Variants in ZBTB20 observed in about 807,000 individuals in gnomAD.
ZBTB20 encodes the protein zinc finger and BTB domain-containing protein 20.
ZBTB20 carries 9 observed loss-of-function variants against 56.9 expected under a neutral mutation model. That is an observed-to-expected ratio of 0.16 (90% CI 0.10 to 0.28). The LOEUF is 0.28. Ranked by LOEUF, ZBTB20 falls within the 10% of genes least tolerant of loss-of-function variation. The pLI, the probability that ZBTB20 is intolerant of heterozygous loss-of-function variation, is 1.00. For missense variants in ZBTB20, 655 were observed against 1,003.0 expected (o/e 0.65, Z 4.69); for synonymous variants, 417 against 420.7 (o/e 0.99, Z 0.11).
chr3:114,748,333 TC>T (rs1560202151), intron 5 of ZBTB20, among the ~76,000 whole-genome samples: 1 of 94,240 alleles, frequency 1.1e-5, no homozygotes, highest in African/African-American at 4.2e-5. Flanking sequence ...TTTCTTTCTT[TC>T]TTCTTTCTTT....
At chr3:114,990,079 T>C (rs555329285) in intron 2 of ZBTB20, among the ~76,000 whole-genome samples, 11 of 152,178 alleles carry the variant, frequency 7.2e-5, no homozygotes, top group Admixed American at 1.3e-4. Context: ...CTTTTCCTAA[T>C]TGAATACCCT....
chr3:114,622,449 A>C (rs960129922), intron 6 of ZBTB20, among the ~76,000 whole-genome samples: 1 of 152,210 alleles, frequency 6.6e-6, no homozygotes, highest in African/African-American at 2.4e-5. Context: ...ACTAGCCCTA[A>C]TAAAACTCTG....
chr3:114,868,260 T>G (rs1355172134), intron 4 of ZBTB20, among the ~76,000 whole-genome samples: 1 of 152,306 alleles, frequency 6.6e-6, no homozygotes, highest in South Asian at 2.1e-4. Flanking sequence ...GCTGACAAAC[T>G]TCTCAGCATC....
At chr3:114,861,431 T>G (rs1421016656) in intron 4 of ZBTB20, among the ~76,000 whole-genome samples, 2 of 152,104 alleles carry the variant, frequency 1.3e-5, no homozygotes, top group African/African-American at 4.8e-5. Flanking sequence ...ATTTAAAAAT[T>G]TATTCTCCTT....
chr3:114,898,167 G>A (rs910907229), intron 4 of ZBTB20, among the ~76,000 whole-genome samples: 1 of 152,100 alleles, frequency 6.6e-6, no homozygotes, highest in Non-Finnish European at 1.5e-5. Flanking sequence ...TTGTGTTTTA[G>A]TGAGATAGAG....
intron 4 of ZBTB20, among the ~76,000 whole-genome samples, chr3:114,838,837 A>T (rs2074243403): frequency 6.6e-6 from 1 of 152,180 alleles, no homozygotes; most frequent in Non-Finnish European, 1.5e-5. Context: ...TAGTGGATGT[A>T]TGGATTGGAG....
intron 10 of ZBTB20, among the ~76,000 whole-genome samples, chr3:114,372,805 C>T (rs573135612): frequency 6.6e-5 from 10 of 152,098 alleles, no homozygotes; most frequent in Admixed American, 4.6e-4. Flanking sequence ...GATTGCACTG[C>T]TGTACTCCAG....
chr3:114,619,868 G>A (rs1016109785), intron 6 of ZBTB20, among the ~76,000 whole-genome samples: 3 of 152,206 alleles, frequency 2.0e-5, no homozygotes, highest in South Asian at 2.1e-4. Context: ...TGTCTGCCCC[G>A]CCTCTCTCCT....
chr3:114,878,575 TAAAAA>T (rs10609736), intron 4 of ZBTB20, among the ~76,000 whole-genome samples: 59 of 137,608 alleles, frequency 4.3e-4, no homozygotes, highest in Admixed American at 6.5e-4. Flanking sequence ...CTTGGAGAAT[TAAAAA>T]AAAAAAAAAA....
At chr3:115,003,777 T>C (rs2079353386) in intron 2 of ZBTB20, among the ~76,000 whole-genome samples, 1 of 151,670 alleles carries the variant, frequency 6.6e-6, no homozygotes, top group African/African-American at 2.4e-5. Context: ...ACCTGTCTAG[T>C]GAAATCAAAG....
At chr3:115,041,793 A>G (rs751792095) in intron 2 of ZBTB20, among the ~76,000 whole-genome samples, 2 of 152,206 alleles carry the variant, frequency 1.3e-5, no homozygotes, top group East Asian at 1.9e-4. Flanking sequence ...TCTCTGCCCC[A>G]TGTCATCATG....
chr3:114,892,002 G>A (rs958284552), intron 4 of ZBTB20, among the ~76,000 whole-genome samples: 2 of 151,774 alleles, frequency 1.3e-5, no homozygotes, highest in African/African-American at 2.4e-5. Flanking sequence ...AGCCGTGATC[G>A]CGCCTCTGCA....
At chr3:114,843,817 C>T (rs1330462369) in intron 4 of ZBTB20, among the ~76,000 whole-genome samples, 1 of 150,804 alleles carries the variant, frequency 6.6e-6, no homozygotes, top group Non-Finnish European at 1.5e-5. Context: ...TCTGGGACTA[C>T]AGGTGCCTGC....
intron 3 of ZBTB20, among the ~76,000 whole-genome samples, chr3:114,906,830 T>C (rs538332297): frequency 6.6e-6 from 1 of 151,586 alleles, no homozygotes; most frequent in Non-Finnish European, 1.5e-5. Flanking sequence ...TTAGGGTTAA[T>C]ACATAAAAAA....
At position 114,768,458 on chromosome 3, in the gene ZBTB20, T is replaced by C. The variant is rs79985967; in HGVS notation, c.-343+32643A>G. Among the ~76,000 whole-genome samples, 1,179 of 152,050 alleles carry C rather than the reference T, an allele frequency of 7.8e-3. 7 individuals carry two copies. The highest frequency in any genetic ancestry group is 0.014 in the Middle Eastern group (4 of 294). On this transcript the variant is annotated intron_variant, in intron 5 of 11. Coordinates refer to ENST00000675478, the MANE Select transcript of ZBTB20 (RefSeq NM_001348800.3). ...CATTAGTCTAATACTTACAATAACA[T>C]TGAAAACCAACACCATTTAATATTG...
At chr3:114,871,987 T>G (rs1188927979) in intron 4 of ZBTB20, among the ~76,000 whole-genome samples, 2 of 152,062 alleles carry the variant, frequency 1.3e-5, no homozygotes, top group African/African-American at 4.8e-5. Context: ...CTTTTCATGA[T>G]CTTCTCTCTG....
At chr3:115,070,745 C>T (rs1397887534) in intron 2 of ZBTB20, among the ~76,000 whole-genome samples, 1 of 151,906 alleles carries the variant, frequency 6.6e-6, no homozygotes, top group Non-Finnish European at 1.5e-5. Context: ...AATTCCACCC[C>T]AAACTCAATT....
In ZBTB20 at chr3:114,801,831, G is replaced by A. The variant is rs532051754; in HGVS notation, c.-416-657C>T. Among the ~76,000 whole-genome samples, 6 of 151,966 alleles carry A rather than the reference G, an allele frequency of 3.9e-5. No homozygotes were observed. In the South Asian group the frequency reaches 1.2e-3, roughly 32 times the overall value. ...ACTGCTGTTTGAAGCAGCACAGGAA[G>A]ACCAAGAGAGTCTGAACAACACTCC... On this transcript the variant is annotated intron_variant, in intron 4 of 11. Transcript: ENST00000675478.
At chr3:115,020,014 A>C (rs900047130) in intron 2 of ZBTB20, among the ~76,000 whole-genome samples, 5 of 151,282 alleles carry the variant, frequency 3.3e-5, no homozygotes, top group Non-Finnish European at 7.4e-5. Context: ...TGAACTGTGT[A>C]TGCAAGAAGC....
Sources: gnomAD v4.1 joint callset for allele counts (sites outside exome capture counted in the v4.1 genomes callset) on GRCh38, gnomAD v4.1.1 for gene constraint, MANE v1.5 for transcripts, NCBI Gene and HGNC (gene_info 2026-07-23, HGNC 2026-07-21) for gene names.